MYO3B: variants seen among roughly 807,000 people sequenced by gnomAD.
The protein encoded by MYO3B is myosin-IIIb.
MYO3B carries 156 observed loss-of-function variants against 174.6 expected under a neutral mutation model. The ratio of observed to expected loss-of-function variants is 0.89; its 90% CI spans 0.78 to 1.02. The LOEUF is 1.02. Ranked by LOEUF, MYO3B falls within the 50% of genes least tolerant of loss-of-function variation. The pLI is 0.00. For missense variants in MYO3B, 1,632 were observed against 1,639.4 expected (o/e 1.00, Z 0.08); for synonymous variants, 563 against 569.1 (o/e 0.99, Z 0.15).
chr2:170,249,154 A>C (rs2093224406), intron 7 of MYO3B, among the ~76,000 whole-genome samples: 1 of 152,188 alleles, frequency 6.6e-6, no homozygotes, highest in African/African-American at 2.4e-5. Flanking sequence ...AGAGGAAGGG[A>C]GGTAGCCCCT....
chr2:170,455,697 A>G (rs958012723), intron 23 of MYO3B, among the ~76,000 whole-genome samples: 2 of 152,220 alleles, frequency 1.3e-5, no homozygotes, highest in Non-Finnish European at 2.9e-5. Context: ...GCCCATATGT[A>G]TATAGAAGCT....
chr2:170,247,169 T>A (rs2093200369), intron 7 of MYO3B, among the ~76,000 whole-genome samples: 1 of 152,160 alleles, frequency 6.6e-6, no homozygotes. Context: ...ACTCAGTACT[T>A]CCAGAATGAA....
At chr2:170,650,700 T>TG (rs1553551744) in intron 32 of MYO3B, among the ~76,000 whole-genome samples, 8 of 115,800 alleles carry the variant, frequency 6.9e-5, no homozygotes, top group Admixed American at 5.6e-4. Context: ...TTTTTTTTTT[T>TG]TGAGATGGAG....
chr2:170,601,593 A>G, intron 32 of MYO3B: 2 of 1,125,700 alleles, frequency 1.8e-6, no homozygotes, highest in Non-Finnish European at 2.7e-6. Context: ...AAGGAAAAAA[A>G]CTAGGCTAGA....
intron 33 of MYO3B, 85 bp downstream of exon 33, chr2:170,651,819 C>CTGGGGGGG: frequency 9.2e-7 from 1 of 1,081,964 alleles, no homozygotes. Flanking sequence ...CCAGCCCCTG[C>CTGGGGGGG]AGCCCCACCC....
intron 6 of MYO3B, among the ~76,000 whole-genome samples, chr2:170,221,646 C>T (rs934916691): frequency 6.6e-6 from 1 of 152,142 alleles, no homozygotes; most frequent in Admixed American, 6.5e-5. Context: ...CTGTGGGATG[C>T]CCTTAGTGTA....
intron 28 of MYO3B, among the ~76,000 whole-genome samples, chr2:170,505,551 T>G (rs1365234704): frequency 6.6e-6 from 1 of 152,232 alleles, no homozygotes; most frequent in African/African-American, 2.4e-5. Context: ...TGGACCTAAC[T>G]ACATTTATTC....
chr2:170,575,827 C>T (rs2106289089), intron 32 of MYO3B, among the ~76,000 whole-genome samples: 1 of 152,250 alleles, frequency 6.6e-6, no homozygotes, highest in East Asian at 1.9e-4. Flanking sequence ...AAAAGTGTGT[C>T]CAAGCTTAAC....
At chr2:170,358,503 T>C (rs1370185269) in intron 8 of MYO3B, among the ~76,000 whole-genome samples, 1 of 152,134 alleles carries the variant, frequency 6.6e-6, no homozygotes, top group Non-Finnish European at 1.5e-5. Flanking sequence ...TGAAATTGAT[T>C]GTGGTAATGG....
At chr2:170,504,618 G>A (rs1405171459) in intron 28 of MYO3B, among the ~76,000 whole-genome samples, 3 of 152,188 alleles carry the variant, frequency 2.0e-5, no homozygotes, top group Admixed American at 2.0e-4. Flanking sequence ...ATCAAAGTCA[G>A]GGTATTAACC....
intron 22 of MYO3B, among the ~76,000 whole-genome samples, chr2:170,413,789 C>T (rs1290662678): frequency 6.6e-6 from 1 of 152,060 alleles, no homozygotes; most frequent in African/African-American, 2.4e-5. Context: ...CCTGTAATCC[C>T]AGCACTTTGG....
At chr2:170,285,751 G>T (rs2093551480) in intron 7 of MYO3B, among the ~76,000 whole-genome samples, 1 of 150,712 alleles carries the variant, frequency 6.6e-6, no homozygotes, top group African/African-American at 2.4e-5. Flanking sequence ...TTTATTTTTG[G>T]GTATGCTTTT....
chr2:170,357,554 A>T (rs1574844173), intron 8 of MYO3B, among the ~76,000 whole-genome samples: 1 of 151,248 alleles, frequency 6.6e-6, no homozygotes, highest in East Asian at 1.9e-4. Flanking sequence ...CCTTTGCTTC[A>T]TTTTTCTGTT....
chr2:170,549,918 G>A (rs1690772030), intron 32 of MYO3B, among the ~76,000 whole-genome samples: 1 of 152,178 alleles, frequency 6.6e-6, no homozygotes, highest in African/African-American at 2.4e-5. Flanking sequence ...GGGCTAAGAT[G>A]TCTCCCATTT....
chr2:170,646,940 G>C, intron 32 of MYO3B: 2 of 1,349,656 alleles, frequency 1.5e-6, no homozygotes, highest in Middle Eastern at 2.1e-4. Flanking sequence ...ACTTTTATGG[G>C]TATATATCTT....
chr2:170,574,666 C>G (rs1390346757), intron 32 of MYO3B, among the ~76,000 whole-genome samples: 3 of 152,092 alleles, frequency 2.0e-5, no homozygotes, highest in African/African-American at 7.2e-5. Flanking sequence ...AGTTGTTTTT[C>G]CCCCCTCAGG....
At chr2:170,220,064 C>T (rs1380663069) in intron 6 of MYO3B, among the ~76,000 whole-genome samples, 1 of 152,116 alleles carries the variant, frequency 6.6e-6, no homozygotes, top group East Asian at 1.9e-4. Context: ...CGAGACCATC[C>T]TGGCTAACAC....
At chr2:170,259,620 C>T (rs1258402357) in intron 7 of MYO3B, among the ~76,000 whole-genome samples, 6 of 152,162 alleles carry the variant, frequency 3.9e-5, no homozygotes. Context: ...CTAGGAAATG[C>T]TATTATGGAC....
intron 25 of MYO3B, among the ~76,000 whole-genome samples, chr2:170,471,957 C>T (rs1351839874): frequency 1.3e-5 from 2 of 150,926 alleles, no homozygotes; most frequent in East Asian, 3.9e-4. Flanking sequence ...CGCCATTGCA[C>T]TCCAGCCTGG....
Sources: allele counts gnomAD v4.1 joint callset (sites outside exome capture counted in the v4.1 genomes callset), GRCh38; gene constraint gnomAD v4.1.1; transcripts MANE v1.5; gene names NCBI Gene and HGNC (gene_info 2026-07-23, HGNC 2026-07-21).